The following SCAPER variants were observed in gnomAD, a reference collection of about 807,000 sequenced individuals.
SCAPER encodes the protein S phase cyclin A-associated protein in the endoplasmic reticulum.
A neutral mutation model predicts 182.2 loss-of-function variants in SCAPER; 98 were observed. That is an observed-to-expected ratio of 0.54 (90% confidence interval 0.46 to 0.64). SCAPER has a LOEUF of 0.64. Among genes scored for constraint, SCAPER ranks in the 30% least tolerant of loss-of-function variants. The pLI is 0.00. For missense variants in SCAPER, 1,432 were observed against 1,690.0 expected (o/e 0.85, Z 2.68); for synonymous variants, 605 against 564.6 (o/e 1.07, Z -1.01).
intron 3 of SCAPER, among the ~76,000 whole-genome samples, chr15:76,858,834 G>T (rs2071628619): frequency 6.6e-6 from 1 of 152,160 alleles, no homozygotes; most frequent in African/African-American, 2.4e-5. Flanking sequence ...GTAGTCCATG[G>T]TGTATATATG....
At chr15:76,356,101 G>C (rs1052723340) in intron 29 of SCAPER, among the ~76,000 whole-genome samples, 16 of 152,144 alleles carry the variant, frequency 1.1e-4, no homozygotes, top group Admixed American at 1.0e-3. Flanking sequence ...GGGACATCTA[G>C]TCTATGCTGT....
At chr15:76,388,403 C>A (rs1416672763) in intron 27 of SCAPER, among the ~76,000 whole-genome samples, 1 of 151,860 alleles carries the variant, frequency 6.6e-6, no homozygotes, top group Non-Finnish European at 1.5e-5. Flanking sequence ...CTGCAGTGAG[C>A]TATCATCGCC....
At chr15:76,635,437 T>C (rs1481746816) in intron 21 of SCAPER, among the ~76,000 whole-genome samples, 6 of 152,232 alleles carry the variant, frequency 3.9e-5, no homozygotes, top group African/African-American at 1.4e-4. Context: ...GAATTGATTT[T>C]TTTTTCCTCA....
At chr15:76,404,769 G>C in intron 26 of SCAPER, 90 bp from the exon 27 acceptor site, 1 of 1,318,660 alleles carries the variant, frequency 7.6e-7, no homozygotes, top group Non-Finnish European at 1.0e-6. Context: ...ACACAGGCTT[G>C]GACCCCTCAA....
rs569858799 is a variant in SCAPER, at chr15:76,381,451, T to C, written c.3632A>G (p.Asn1211Ser). 3 of 1,613,826 alleles carry C rather than the reference T, an allele frequency of 1.9e-6. No homozygotes were observed. In the East Asian group the frequency reaches 6.7e-5, roughly 36 times the overall value. Residue 1211 changes from asparagine (N) to serine (S), a missense_variant, in exon 28 of 32, where the codon AAT becomes AGT. Around this residue, in one of 5 missense-constraint regions of SCAPER, gnomAD observed 718 missense variants for 799.7 expected, o/e 0.90. Transcript: ENST00000563290. ...TASPKENYTQ[N>S]TIQVAIQSLR... ...ACTCTGAATGGCCACTTGGATGGTA[T>C]TTTGAGTGTAATTCTCCTTGGGACT...
chr15:76,532,447 G>A lies in SCAPER; in HGVS notation c.2839-27473C>T, dbSNP rs904347956. Among the ~76,000 whole-genome samples the A allele has an allele frequency of 1.2e-4, 18 of 150,502 alleles. 1 individual carries two copies. The highest frequency in any genetic ancestry group is 2.0e-4 in the Admixed American group (3 of 14,944). ...AAACTCCCGAGCTCAAATGATCCTC[G>A]TGCCTTGGCCTCCCAAAGTGCTGGG... On this transcript the variant is annotated intron_variant, in intron 23 of 31. Coordinates refer to ENST00000563290, the MANE Select transcript of SCAPER (RefSeq NM_020843.4).
chr15:76,822,070 T>C (rs1235003001), intron 5 of SCAPER, among the ~76,000 whole-genome samples: 1 of 152,122 alleles, frequency 6.6e-6, no homozygotes, highest in Non-Finnish European at 1.5e-5. Flanking sequence ...CTGCATATTA[T>C]TAAAATAGCA....
chr15:76,694,512 TA>T (rs1219228923), intron 20 of SCAPER, among the ~76,000 whole-genome samples: 1 of 152,110 alleles, frequency 6.6e-6, no homozygotes, highest in East Asian at 1.9e-4. Context: ...ACAATTTCTG[TA>T]AACTATACCT....
intron 20 of SCAPER, among the ~76,000 whole-genome samples, chr15:76,681,132 C>A (rs1027183893): frequency 1.3e-5 from 2 of 152,104 alleles, no homozygotes; most frequent in African/African-American, 4.8e-5. Context: ...TTAAATTGTA[C>A]ACTTAAAAAT....
chr15:76,635,781 T>C (rs2053542651), intron 21 of SCAPER, among the ~76,000 whole-genome samples: 1 of 152,246 alleles, frequency 6.6e-6, no homozygotes, highest in Non-Finnish European at 1.5e-5. Context: ...GGTCGGATTT[T>C]GTTAAATACT....
chr15:76,457,222 C>G (rs912353865), intron 25 of SCAPER, among the ~76,000 whole-genome samples: 8 of 152,072 alleles, frequency 5.3e-5, no homozygotes, highest in African/African-American at 1.9e-4. Flanking sequence ...GCCACCATGC[C>G]CAGCTAATTT....
chr15:76,709,681 G>A (rs2059457619), intron 17 of SCAPER, among the ~76,000 whole-genome samples: 1 of 152,166 alleles, frequency 6.6e-6, no homozygotes, highest in Non-Finnish European at 1.5e-5. Context: ...TTCTCAAATA[G>A]AGCAGGAAAC....
At chr15:76,671,472 C>T (rs984501426) in intron 20 of SCAPER, among the ~76,000 whole-genome samples, 3 of 152,008 alleles carry the variant, frequency 2.0e-5, no homozygotes, top group Admixed American at 6.5e-5. Flanking sequence ...AAGGTATTCC[C>T]ACAACCTCCA....
At chr15:76,666,385 G>A (rs1293645979) in intron 20 of SCAPER, among the ~76,000 whole-genome samples, 1 of 152,164 alleles carries the variant, frequency 6.6e-6, no homozygotes, top group African/African-American at 2.4e-5. Flanking sequence ...GGTTCAGCAA[G>A]AGCACATAGT....
intron 26 of SCAPER, among the ~76,000 whole-genome samples, chr15:76,408,517 T>C (rs2142187317): frequency 6.6e-6 from 1 of 152,256 alleles, no homozygotes; most frequent in Non-Finnish European, 1.5e-5. Flanking sequence ...ACAAGTGGAA[T>C]TACTGAGTCA....
At chr15:76,634,258 G>A (rs1056045030) in intron 21 of SCAPER, among the ~76,000 whole-genome samples, 1 of 152,158 alleles carries the variant, frequency 6.6e-6, no homozygotes, top group East Asian at 1.9e-4. Context: ...CAGCTCCCAG[G>A]TAGACCCTCA....
chr15:76,625,373 T>C (rs1157767322), intron 21 of SCAPER, among the ~76,000 whole-genome samples: 1 of 152,164 alleles, frequency 6.6e-6, no homozygotes, highest in African/African-American at 2.4e-5. Context: ...TGGCCCCAGG[T>C]TCAGCGGCCC....
chr15:76,496,066 AG>A (rs1325330657), intron 24 of SCAPER, among the ~76,000 whole-genome samples: 2 of 150,800 alleles, frequency 1.3e-5, no homozygotes, highest in Admixed American at 1.3e-4. Flanking sequence ...GAAAGGTGGA[AG>A]GGGGGAAGGG....
At chr15:76,584,140 A>G (rs1188002212) in intron 22 of SCAPER, among the ~76,000 whole-genome samples, 1 of 152,232 alleles carries the variant, frequency 6.6e-6, no homozygotes, top group African/African-American at 2.4e-5. Flanking sequence ...ACTGGAGGTC[A>G]TTATGTTAAG....
Sources: gnomAD v4.1 joint callset for allele counts (sites outside exome capture counted in the v4.1 genomes callset) on GRCh38, gnomAD v4.1.1 for gene constraint, gnomAD v4.1.1 regional missense constraint, MANE v1.5 for transcripts, NCBI Gene and HGNC (gene_info 2026-07-23, HGNC 2026-07-21) for gene names.